The following MAF variants were observed in gnomAD, a reference collection of about 807,000 sequenced individuals.
The protein encoded by MAF is MAF bZIP transcription factor.
A neutral mutation model predicts 22.0 loss-of-function variants in MAF; 10 were observed. The ratio of observed to expected loss-of-function variants is 0.45; its 90% confidence interval spans 0.28 to 0.77. MAF has a LOEUF of 0.77. Ranked by LOEUF, MAF falls within the 30% of genes least tolerant of loss-of-function variation. MAF has a pLI of 0.12. For synonymous variants in MAF, 337 were observed against 255.8 expected, an observed-to-expected ratio of 1.32 and a Z score of -3.03; for missense variants, 544 against 548.4, an observed-to-expected ratio of 0.99 and a Z score of 0.08.
At chr16:79,306,481 C>G in the MAF span, among the ~76,000 whole-genome samples, 2 of 152,098 alleles carry the variant, frequency 1.3e-5, no homozygotes, top group Non-Finnish European at 2.9e-5. Context: ...TGCTTGGCCT[C>G]CTGGTAGAGA....
chr16:79,396,256 C>A, the MAF span, among the ~76,000 whole-genome samples: 1 of 152,166 alleles, frequency 6.6e-6, no homozygotes, highest in South Asian at 2.1e-4. Context: ...CCTGGACCTA[C>A]CCCAGTTCCA....
At chr16:79,508,272 G>A in the MAF span, among the ~76,000 whole-genome samples, 3 of 152,190 alleles carry the variant, frequency 2.0e-5, no homozygotes, top group East Asian at 3.8e-4. Flanking sequence ...CACCTCTCAG[G>A]TCTTCTGGCT....
chr16:79,329,140 C>T, the MAF span, among the ~76,000 whole-genome samples: 519 of 151,666 alleles, frequency 3.4e-3, 3 homozygotes, highest in African/African-American at 0.012. Context: ...TCCTGGAGAA[C>T]GGGACCAGGC....
chr16:79,208,736 G>A, the MAF span, among the ~76,000 whole-genome samples: 1 of 151,984 alleles, frequency 6.6e-6, no homozygotes, highest in African/African-American at 2.4e-5. Context: ...CTGATGATAT[G>A]TAGGCCGAAA....
chr16:79,283,877 T>G, the MAF span, among the ~76,000 whole-genome samples: 1 of 151,316 alleles, frequency 6.6e-6, no homozygotes, highest in Non-Finnish European at 1.5e-5. Flanking sequence ...GACATGCCAG[T>G]GTCTCCTGCA....
At chr16:79,463,372 G>A in the MAF span, among the ~76,000 whole-genome samples, 2 of 152,146 alleles carry the variant, frequency 1.3e-5, no homozygotes, top group East Asian at 1.9e-4. Context: ...TTAAATGCCA[G>A]CTTACCTTGA....
chr16:79,583,946 G>C (rs1015702638), downstream of MAF, among the ~76,000 whole-genome samples: 2 of 152,208 alleles, frequency 1.3e-5, no homozygotes, highest in African/African-American at 2.4e-5. Flanking sequence ...ATGCATGTTG[G>C]TTGATGTGCG....
chr16:79,243,729 A>T, the MAF span, among the ~76,000 whole-genome samples: 1 of 152,074 alleles, frequency 6.6e-6, no homozygotes, highest in Non-Finnish European at 1.5e-5. Context: ...GGCCAGCATC[A>T]TCCTGATACC....
chr16:79,506,633 T>G, the MAF span, among the ~76,000 whole-genome samples: 12 of 152,184 alleles, frequency 7.9e-5, 1 homozygote, highest in South Asian at 4.2e-4. Context: ...AGAGGCAGTA[T>G]TTTACTTTTC....
the MAF span, among the ~76,000 whole-genome samples, chr16:79,548,939 C>A: frequency 6.6e-6 from 1 of 152,154 alleles, no homozygotes; most frequent in African/African-American, 2.4e-5. Context: ...GCTAGTTATT[C>A]TGTGCACCTC....
the MAF span, among the ~76,000 whole-genome samples, chr16:79,497,091 C>T: frequency 6.6e-6 from 1 of 152,230 alleles, no homozygotes; most frequent in Middle Eastern, 3.4e-3. Context: ...TTTAGTGTCT[C>T]CACCAAAATG....
chr16:79,207,107 G>C, the MAF span, among the ~76,000 whole-genome samples: 1 of 152,204 alleles, frequency 6.6e-6, no homozygotes, highest in Non-Finnish European at 1.5e-5. Flanking sequence ...GACAGGGCGT[G>C]TAGACGGCCA....
At chr16:79,208,119 C>G in the MAF span, among the ~76,000 whole-genome samples, 1 of 152,076 alleles carries the variant, frequency 6.6e-6, no homozygotes, top group Non-Finnish European at 1.5e-5. Context: ...ACTCTTAATC[C>G]CAAACAAGAG....
At chr16:79,259,345 C>T in the MAF span, among the ~76,000 whole-genome samples, 9,084 of 152,252 alleles carry the variant, frequency 0.06, 360 homozygotes, top group Middle Eastern at 0.11. Flanking sequence ...CACCACTCTG[C>T]AGGATGGGTC....
chr16:79,314,731 C>T, the MAF span, among the ~76,000 whole-genome samples: 13 of 152,246 alleles, frequency 8.5e-5, no homozygotes, highest in East Asian at 2.3e-3. Context: ...TGCTTAAGGG[C>T]CTCTAGAAAT....
the MAF span, among the ~76,000 whole-genome samples, chr16:79,553,400 C>A: frequency 1.3e-5 from 2 of 152,230 alleles, no homozygotes; most frequent in Non-Finnish European, 2.9e-5. Context: ...TGTGAGGCAG[C>A]CCTGGAGGCT....
At chr16:79,413,480 G>A in the MAF span, among the ~76,000 whole-genome samples, 68 of 150,306 alleles carry the variant, frequency 4.5e-4, 1 homozygote, top group East Asian at 0.012. Context: ...TGATCCACCC[G>A]CCTCGGCCTC....
At chr16:79,214,749 G>A in the MAF span, among the ~76,000 whole-genome samples, 2 of 100,138 alleles carry the variant, frequency 2.0e-5, no homozygotes, top group African/African-American at 8.1e-5. Context: ...ATCTCACTCT[G>A]TTGCCCAGTC....
the MAF span, among the ~76,000 whole-genome samples, chr16:79,432,329 A>T: frequency 6.6e-6 from 1 of 152,192 alleles, no homozygotes; most frequent in Non-Finnish European, 1.5e-5. Flanking sequence ...TCAATTACTC[A>T]GTCTCGAGTA....
Sources: allele counts gnomAD v4.1 joint callset (sites outside exome capture counted in the v4.1 genomes callset), GRCh38; gene constraint gnomAD v4.1.1; transcripts MANE v1.5; gene names NCBI Gene and HGNC (gene_info 2026-07-23, HGNC 2026-07-21).